The following CARD8 variants were observed in gnomAD, a reference collection of about 807,000 sequenced individuals.
CARD8 encodes the protein caspase recruitment domain-containing protein 8.
A neutral mutation model predicts 53.2 loss-of-function variants in CARD8; 38 were observed. That is an observed-to-expected ratio of 0.71 (90% CI 0.55 to 0.94). The LOEUF (loss-of-function observed/expected upper bound fraction) is 0.94, where lower values mean the gene tolerates loss of function less well. Ranked by LOEUF, CARD8 falls within the 40% of genes least tolerant of loss-of-function variation. CARD8 has a pLI of 0.00. For missense variants in CARD8, 561 were observed against 655.5 expected, an observed-to-expected ratio of 0.86 and a Z score of 1.57; for synonymous variants, 245 against 244.9, an observed-to-expected ratio of 1.00 and a Z score of 0.00.
At chr19:48,229,357 A>G (rs2042403348) in intron 10 of CARD8, among the ~76,000 whole-genome samples, 1 of 152,228 alleles carries the variant, frequency 6.6e-6, no homozygotes, top group African/African-American at 2.4e-5. Context: ...AGTGAAGGAT[A>G]GGAAAAGGGT....
At chr19:48,207,752 T>TTTTTTTTTTTTTTTTTTTTTTTTTTTTTC (rs2037456886), downstream of CARD8, among the ~76,000 whole-genome samples, 1 of 143,280 alleles carries the variant, frequency 7.0e-6, no homozygotes, top group Admixed American at 6.9e-5. Flanking sequence ...TTTTTTTTTT[T>TTTTTTTTTTTTTTTTTTTTTTTTTTTTTC]TGAGACAGAA....
chr19:48,222,936 G>T (rs2040975936), intron 10 of CARD8, among the ~76,000 whole-genome samples: 1 of 152,130 alleles, frequency 6.6e-6, no homozygotes, highest in South Asian at 2.1e-4. Context: ...ATGTCTTGTT[G>T]CCTGTTCTAG....
intron 11 of CARD8, among the ~76,000 whole-genome samples, chr19:48,219,219 G>A (rs2039993875): frequency 6.6e-6 from 1 of 152,156 alleles, no homozygotes; most frequent in Non-Finnish European, 1.5e-5. Context: ...TAACCTAGCT[G>A]TCAACACCAC....
At chr19:48,218,051 G>C (rs141531262) in intron 12 of CARD8, among the ~76,000 whole-genome samples, 2 of 152,214 alleles carry the variant, frequency 1.3e-5, no homozygotes, top group East Asian at 1.9e-4. Flanking sequence ...TAGGTTCGAG[G>C]GTTTCCACCC....
intron 3 of CARD8, among the ~76,000 whole-genome samples, chr19:48,249,034 T>C (rs1198816179): frequency 6.6e-6 from 1 of 152,012 alleles, no homozygotes; most frequent in African/African-American, 2.4e-5. Context: ...CCGTCTCTAC[T>C]AAAAATACAA....
Position 48,230,667 on chromosome 19 carries a change from G to A in CARD8, c.806C>T (p.Ala269Val), listed in dbSNP as rs538725376. Reference protein sequence around the residue: ...GEVDVSWFLVAHFKNEGMVLE... With the variant: ...GEVDVSWFLVVHFKNEGMVLE... ...GACCATCCCTTCATTCTTAAAATGGGCAACGAGAAACCAGGAGACGTCCAC... is the reference window on the plus strand; with the variant it reads ...GACCATCCCTTCATTCTTAAAATGGACAACGAGAAACCAGGAGACGTCCAC... Residue 269 changes from alanine to valine, a missense_variant, in exon 10 of 14, where the codon GCC (alanine) becomes GTC (valine). Coordinates refer to ENST00000651546, the MANE Select transcript of CARD8 (RefSeq NM_001184900.3). The A allele has an allele frequency of 3.1e-6, 5 of 1,614,008 alleles. No individual in the cohort carries two copies. The African/African-American group carries it at 4.0e-5, about 13-fold the overall frequency.
intron 6 of CARD8, 104 bp from the exon 7 acceptor site, chr19:48,232,597 A>T (rs1197926897): frequency 2.1e-6 from 2 of 955,272 alleles, no homozygotes; most frequent in South Asian, 2.8e-5. Context: ...ACTGTCCCGT[A>T]GAGTAGCCGC....
At chr19:48,213,475 G>T (rs1330876777) in intron 13 of CARD8, among the ~76,000 whole-genome samples, 1 of 152,160 alleles carries the variant, frequency 6.6e-6, no homozygotes, top group Non-Finnish European at 1.5e-5. Context: ...CTGGGTTCAA[G>T]CGATTCTCCT....
At chr19:48,236,555 C>A (rs2043921093) in intron 5 of CARD8, among the ~76,000 whole-genome samples, 1 of 152,146 alleles carries the variant, frequency 6.6e-6, no homozygotes, top group East Asian at 1.9e-4. Flanking sequence ...TTAAGCTCTA[C>A]CATCCATGGT....
chr19:48,240,974 T>C lies in CARD8; in HGVS notation c.47A>G (p.Glu16Gly). 1 of 1,536,010 alleles carries C rather than the reference T, an allele frequency of 6.5e-7. No homozygotes were observed. The highest frequency in any genetic ancestry group is 8.7e-7 in the Non-Finnish European group (1 of 1,146,724). ...CAAAGTCACTCACCGTCTCGGCAGC[T>C]CTTCCTCACTGCTGCTACTCTTTTC... is the stretch of plus-strand genomic sequence containing the variant. ...CPEKSSSSEE[E>G]LPRRDSGSSR... The change falls in exon 4 of 14, where the codon GAG becomes GGG. Residue 16 changes from glutamate to glycine, a missense_variant. Coordinates refer to ENST00000651546, the MANE Select transcript of CARD8 (RefSeq NM_001184900.3).
At chr19:48,248,223 G>A (rs546253636) in intron 3 of CARD8, among the ~76,000 whole-genome samples, 12 of 152,160 alleles carry the variant, frequency 7.9e-5, no homozygotes, top group Admixed American at 3.3e-4. Context: ...TCCCAGTCAC[G>A]CATGAAGTTA....
chr19:48,239,172 T>C (rs571238397), intron 4 of CARD8, among the ~76,000 whole-genome samples: 2 of 152,328 alleles, frequency 1.3e-5, no homozygotes, highest in South Asian at 2.1e-4. Flanking sequence ...GATCTCTTTA[T>C]TTAGTGTGAG....
intron 4 of CARD8, among the ~76,000 whole-genome samples, chr19:48,239,265 G>C (rs1207334433): frequency 6.6e-6 from 1 of 152,174 alleles, no homozygotes; most frequent in East Asian, 1.9e-4. Context: ...ACCTGTCAAA[G>C]TTGTTGCTTA....
downstream of CARD8, among the ~76,000 whole-genome samples, chr19:48,207,734 G>GTTTTTTTTTTTTTT (rs758903014): frequency 2.7e-3 from 314 of 116,268 alleles, 17 homozygotes; most frequent in Non-Finnish European, 3.6e-3. Context: ...TTGTTTTTCT[G>GTTTTTTTTTTTTTT]TTTTTTTTTT....
At chr19:48,220,997 A>AAGGAAG (rs2040475574) in intron 11 of CARD8, among the ~76,000 whole-genome samples, 4 of 67,782 alleles carry the variant, frequency 5.9e-5, no homozygotes, top group African/African-American at 1.0e-4. Flanking sequence ...AAGGAAGGAA[A>AAGGAAG]GAAAGAAAGA....
chr19:48,221,008 A>AAAGG (rs1555806507), intron 11 of CARD8, among the ~76,000 whole-genome samples: 1 of 122,040 alleles, frequency 8.2e-6, no homozygotes, highest in Non-Finnish European at 1.6e-5. Flanking sequence ...GAAAGAAAGA[A>AAAGG]AAAGAAAGAA....
intron 3 of CARD8, among the ~76,000 whole-genome samples, chr19:48,246,678 A>C (rs1446156062): frequency 3.3e-5 from 5 of 152,350 alleles, no homozygotes; most frequent in African/African-American, 1.2e-4. Context: ...AATTCACAGA[A>C]ATGGAAAAAT....
chr19:48,237,656 G>A (rs959106126), intron 5 of CARD8, among the ~76,000 whole-genome samples: 2 of 151,704 alleles, frequency 1.3e-5, no homozygotes, highest in Middle Eastern at 3.2e-3. Flanking sequence ...AATTAGCCAG[G>A]TGTGGTAGTG....
Position 48,211,533 on chromosome 19 carries a change from A to G in CARD8, c.*177T>C. 1 of 608,514 alleles carries G rather than the reference A, an allele frequency of 1.6e-6. No homozygotes were observed. Among genetic ancestry groups the G allele is most frequent in the Non-Finnish European group, 2.8e-6 (1 of 351,386 alleles). The allele number at this position is 608,514 out of a possible 1,614,324, so 37.7% of individuals were successfully genotyped here. ...CTTCAGACATTCTTGAGGAAAATGC[A>G]TGAGGATACAGTCAATAGGTACATG... On this transcript the variant is annotated 3_prime_UTR_variant, in exon 14 of 14. Transcript: ENST00000651546.
Sources: gnomAD v4.1 joint callset for allele counts (sites outside exome capture counted in the v4.1 genomes callset) on GRCh38, gnomAD v4.1.1 for gene constraint, MANE v1.5 for transcripts, NCBI Gene and HGNC (gene_info 2026-07-23, HGNC 2026-07-21) for gene names.